The following SH2D4B variants were observed in gnomAD, a reference collection of about 807,000 sequenced individuals.
SH2D4B encodes SH2 domain containing 4B.
A neutral mutation model predicts 61.5 loss-of-function variants in SH2D4B; 45 were observed. The ratio of observed to expected loss-of-function variants is 0.73; its 90% CI spans 0.58 to 0.94. The LOEUF (loss-of-function observed/expected upper bound fraction) is 0.94, where lower values mean the gene tolerates loss of function less well. SH2D4B is among the 40% of genes least tolerant of loss of function. The pLI, the probability that SH2D4B is intolerant of heterozygous loss-of-function variation, is 0.00. For synonymous variants in SH2D4B, 224 were observed against 220.4 expected, an observed-to-expected ratio of 1.02 and a Z score of -0.14; for missense variants, 572 against 574.2, an observed-to-expected ratio of 1.00 and a Z score of 0.04.
In SH2D4B at chr10:80,588,673, G is replaced by T. The variant is rs144792900; in HGVS notation, c.539G>T (p.Arg180Leu). 3.1e-6 allele frequency: 5 copies of T among 1,613,908 alleles called. No individual in the cohort carries two copies. Among genetic ancestry groups the T allele is most frequent in the African/African-American group, 1.3e-5 (1 of 74,912 alleles). Residue 180 changes from arginine (R) to leucine (L), a missense_variant, in exon 4 of 8, where the codon CGC (arginine) becomes CTC (leucine). Coordinates refer to ENST00000646907, the MANE Select transcript of SH2D4B (RefSeq NM_001388272.1). ...EERKRGEEQI[R>L]LQEEQRAKEL... is the part of the protein sequence containing the mutation. Reference sequence around the variant, plus strand: ...AGGAAGCGAGGAGAAGAGCAGATTCGCCTCCAGGAAGAGCAGAGGGCGAAG... The same window carrying T: ...AGGAAGCGAGGAGAAGAGCAGATTCTCCTCCAGGAAGAGCAGAGGGCGAAG...
At chr10:80,621,551 TCA>T (rs1033044302) in intron 6 of SH2D4B, among the ~76,000 whole-genome samples, 4 of 152,244 alleles carry the variant, frequency 2.6e-5, no homozygotes, top group Admixed American at 6.5e-5. Context: ...CATTTTAAGC[TCA>T]GAGTTCTGCT....
intron 1 of SH2D4B, among the ~76,000 whole-genome samples, chr10:80,566,626 G>C (rs1391208553): frequency 6.6e-6 from 1 of 152,026 alleles, no homozygotes; most frequent in Non-Finnish European, 1.5e-5. Flanking sequence ...TTTGAGGTTG[G>C]GGTCAAAACT....
intron 1 of SH2D4B, among the ~76,000 whole-genome samples, chr10:80,554,666 T>G (rs1377430723): frequency 3.3e-5 from 5 of 152,112 alleles, no homozygotes; most frequent in Non-Finnish European, 7.3e-5. Flanking sequence ...TACCCACATG[T>G]GGAAGGTAAT....
chr10:80,610,715 T>C (rs982535670), intron 6 of SH2D4B, among the ~76,000 whole-genome samples: 1 of 152,194 alleles, frequency 6.6e-6, no homozygotes, highest in Non-Finnish European at 1.5e-5. Flanking sequence ...ATAGCATCCG[T>C]GTCATGTTGG....
chr10:80,622,115 C>A (rs75466063), intron 6 of SH2D4B, among the ~76,000 whole-genome samples: 1,817 of 152,270 alleles, frequency 0.012, 28 homozygotes, highest in African/African-American at 0.041. Context: ...GAGTTGAGTT[C>A]ATCAGCCATC....
Position 80,552,896 on chromosome 10 carries a change from TCTCTCTCTCTCTTG to T in SH2D4B, c.184+14395_184+14408del, listed in dbSNP as rs369859994. Among the ~76,000 whole-genome samples the T allele has an allele frequency of 5.9e-3, 897 of 151,784 alleles. 6 individuals are homozygous for T. The highest frequency in any genetic ancestry group is 0.034 in the Middle Eastern group (10 of 294). Reference sequence around the variant, plus strand: ...CCCCCTCTCTCTCTTTCTTTCTCTCTCTCTCTCTCTCTTGCTCTCTCTCTCTTTCTTTCTTTGAG... The same window carrying T: ...CCCCCTCTCTCTCTTTCTTTCTCTCTCTCTCTCTCTCTTTCTTTCTTTGAG... On this transcript the variant is annotated intron_variant, in intron 1 of 7. Coordinates refer to ENST00000646907, the MANE Select transcript of SH2D4B (RefSeq NM_001388272.1).
intron 1 of SH2D4B, among the ~76,000 whole-genome samples, chr10:80,562,971 G>T (rs1490676407): frequency 7.0e-6 from 1 of 142,738 alleles, no homozygotes; most frequent in African/African-American, 2.6e-5. Context: ...GCGGGATCTC[G>T]GCTCACTGCA....
intron 1 of SH2D4B, among the ~76,000 whole-genome samples, chr10:80,548,760 G>C (rs1412191531): frequency 1.3e-5 from 2 of 152,182 alleles, no homozygotes; most frequent in Non-Finnish European, 2.9e-5. Context: ...GCCTCTTCCT[G>C]AGTGCTCCAT....
intron 4 of SH2D4B, among the ~76,000 whole-genome samples, chr10:80,603,031 T>C (rs1368393102): frequency 6.6e-6 from 1 of 152,140 alleles, no homozygotes; most frequent in African/African-American, 2.4e-5. Context: ...GAAATAATGA[T>C]GTTCCCTGCC....
Position 80,646,538 on chromosome 10 carries a change from A to G in SH2D4B, c.*2453A>G, listed in dbSNP as rs1840397136. 1.3e-5 allele frequency: 2 copies of G among 152,208 alleles called. No individual in the cohort carries two copies. Among genetic ancestry groups the G allele is most frequent in the African/African-American group, 4.8e-5 (2 of 41,452 alleles). The allele number at this position is 152,208 out of a possible 1,614,324, so 9.4% of individuals were successfully genotyped here. A position where few individuals can be genotyped will look rare whatever the true frequency, so the allele number is the denominator to read the frequency against. On this transcript the variant is annotated 3_prime_UTR_variant, in exon 8 of 8. Coordinates refer to ENST00000646907, the MANE Select transcript of SH2D4B (RefSeq NM_001388272.1). ...TTCATCTTGAGAGTTTTATTATGCT[A>G]ATAAATGTCAGGATTCTCATATAAA...
intron 1 of SH2D4B, among the ~76,000 whole-genome samples, chr10:80,550,562 CCGGCCTGGGTGA>C (rs1383645808): frequency 6.6e-6 from 1 of 152,010 alleles, no homozygotes; most frequent in Non-Finnish European, 1.5e-5. Flanking sequence ...CCACTGCACT[CCGGCCTGGGTGA>C]CAGAGTGAGA....
At position 80,643,245 on chromosome 10, in the gene SH2D4B, C is replaced by CT. The variant is rs78663378; in HGVS notation, c.1210-735dup. ...TGGTTTCCAGGTTCTTTAAGTGGTT[C>CT]TTTTTTTTTTTTTAAATAATGCCCA... On this transcript the variant is annotated intron_variant, in intron 7 of 7. Transcript: ENST00000646907. Among the ~76,000 whole-genome samples, 1,211 of 137,684 alleles carry CT rather than the reference C, an allele frequency of 8.8e-3. 13 individuals carry two copies. The highest frequency in any genetic ancestry group is 0.012 in the Admixed American group (160 of 13,866). The allele number at this position is 137,684 out of a possible 152,430, so 90.3% of individuals were successfully genotyped here. A position where few individuals can be genotyped will look rare whatever the true frequency, so the allele number is the denominator to read the frequency against.
intron 1 of SH2D4B, among the ~76,000 whole-genome samples, chr10:80,543,306 C>T (rs1017440647): frequency 2.0e-5 from 3 of 152,066 alleles, no homozygotes; most frequent in African/African-American, 4.8e-5. Context: ...GCGCGAGTTC[C>T]GGGGGGCGTG....
chr10:80,609,805 C>T (rs1589356446), intron 6 of SH2D4B, among the ~76,000 whole-genome samples: 1 of 152,192 alleles, frequency 6.6e-6, no homozygotes, highest in East Asian at 1.9e-4. Flanking sequence ...TCTGTAGCCA[C>T]CAAGGGCCCC....
At chr10:80,570,082 A>G in intron 1 of SH2D4B, 72 bp from the exon 2 acceptor site, 14 of 1,566,538 alleles carry the variant, frequency 8.9e-6, no homozygotes, top group Non-Finnish European at 1.1e-5. Context: ...GTTGTTTACC[A>G]CTGGGCAGCT....
At chr10:80,561,327 G>T (rs1359121638) in intron 1 of SH2D4B, among the ~76,000 whole-genome samples, 2 of 152,268 alleles carry the variant, frequency 1.3e-5, no homozygotes, top group East Asian at 3.9e-4. Flanking sequence ...GGGCTTATTA[G>T]TTTCCAAATA....
intron 1 of SH2D4B, among the ~76,000 whole-genome samples, chr10:80,544,396 C>T (rs61861580): frequency 5.3e-4 from 80 of 152,354 alleles, no homozygotes; most frequent in Non-Finnish European, 1.0e-3. Context: ...TAACACTCAC[C>T]GCGAGGGTCC....
At chr10:80,587,652 G>A (rs1343257651) in intron 3 of SH2D4B, among the ~76,000 whole-genome samples, 1 of 152,066 alleles carries the variant, frequency 6.6e-6, no homozygotes, top group African/African-American at 2.4e-5. Flanking sequence ...GGTATATTGT[G>A]TGATGCTGAA....
chr10:80,557,036 A>C (rs1564767682), intron 1 of SH2D4B, among the ~76,000 whole-genome samples: 1 of 152,134 alleles, frequency 6.6e-6, no homozygotes, highest in East Asian at 1.9e-4. Context: ...GTAGGTTTTC[A>C]TAGATGCATT....
Sources: allele counts gnomAD v4.1 joint callset (sites outside exome capture counted in the v4.1 genomes callset), GRCh38; gene constraint gnomAD v4.1.1; transcripts MANE v1.5; gene names NCBI Gene and HGNC (gene_info 2026-07-23, HGNC 2026-07-21).